P2RY12: variants seen among roughly 807,000 people sequenced by gnomAD.
The protein encoded by P2RY12 is purinergic receptor P2Y12.
A neutral mutation model predicts 4.5 loss-of-function variants in P2RY12; 3 were observed. The ratio of observed to expected loss-of-function variants is 0.67; its 90% confidence interval spans 0.31 to 1.74. The LOEUF (loss-of-function observed/expected upper bound fraction) is 1.74. Ranked by LOEUF, P2RY12 falls within the 40% of genes most tolerant of loss-of-function variation. The pLI is 0.09. For synonymous variants in P2RY12, 148 were observed against 154.1 expected (o/e 0.96, Z 0.29); for missense variants, 356 against 407.8 (o/e 0.87, Z 1.09).
At chr3:151,377,995 C>T (rs767999681) in intron 1 of P2RY12, 9 of 1,581,438 alleles carry the variant, frequency 5.7e-6, no homozygotes, top group Non-Finnish European at 7.8e-6. Flanking sequence ...CGGTGTAACA[C>T]CTGTTTCTGA....
intron 1 of P2RY12, chr3:151,382,640 T>A: frequency 6.3e-7 from 1 of 1,597,336 alleles, no homozygotes; most frequent in Non-Finnish European, 8.5e-7. Context: ...ATGGGGAGTT[T>A]TTTTCCGGAT....
intron 1 of P2RY12, among the ~76,000 whole-genome samples, chr3:151,374,953 C>G (rs552739000): frequency 1.3e-5 from 2 of 151,802 alleles, no homozygotes; most frequent in Admixed American, 6.6e-5. Context: ...AGTGACATAC[C>G]TTATATATTA....
chr3:151,367,729 C>T (rs201284566), intron 1 of P2RY12: 49 of 1,611,324 alleles, frequency 3.0e-5, no homozygotes, highest in South Asian at 1.2e-4. Flanking sequence ...TGGAGGACGT[C>T]GTGCAGCATG....
At chr3:151,351,056 T>C (rs1203945279) in intron 1 of P2RY12, among the ~76,000 whole-genome samples, 1 of 152,220 alleles carries the variant, frequency 6.6e-6, no homozygotes, top group African/African-American at 2.4e-5. Flanking sequence ...GTAAACAACA[T>C]TCTTCCTGCA....
intron 1 of P2RY12, among the ~76,000 whole-genome samples, chr3:151,362,931 CT>C (rs1018208597): frequency 1.2e-4 from 18 of 152,230 alleles, no homozygotes; most frequent in African/African-American, 4.3e-4. Flanking sequence ...TCCATTTCAG[CT>C]TACATTTTTC....
At chr3:151,341,512 G>A (rs1028690858) in intron 1 of P2RY12, among the ~76,000 whole-genome samples, 5 of 151,008 alleles carry the variant, frequency 3.3e-5, no homozygotes. Context: ...AAACCAGAAG[G>A]GCAAAAAATA....
At chr3:151,372,281 C>G (rs1252401371) in intron 1 of P2RY12, among the ~76,000 whole-genome samples, 2 of 152,118 alleles carry the variant, frequency 1.3e-5, no homozygotes, top group Non-Finnish European at 2.9e-5. Flanking sequence ...TCTCTGATTA[C>G]TTAGTGTGAT....
intron 1 of P2RY12, among the ~76,000 whole-genome samples, chr3:151,375,720 C>T (rs1031453043): frequency 6.6e-6 from 1 of 151,976 alleles, no homozygotes; most frequent in African/African-American, 2.4e-5. Flanking sequence ...AAAAAACTGA[C>T]ACAAAATAGT....
chr3:151,376,000 C>T (rs1756813167), intron 1 of P2RY12: 1 of 1,342,652 alleles, frequency 7.4e-7, no homozygotes, highest in South Asian at 1.5e-5. Context: ...CAGTGCCTGT[C>T]AATCTAATTG....
intron 1 of P2RY12, among the ~76,000 whole-genome samples, chr3:151,342,652 C>T (rs957735026): frequency 6.6e-6 from 1 of 152,160 alleles, no homozygotes; most frequent in Non-Finnish European, 1.5e-5. Context: ...CTATTAATAT[C>T]AGTCACTTCA....
intron 1 of P2RY12, chr3:151,384,058 T>G (rs1712886179): frequency 6.2e-7 from 1 of 1,600,250 alleles, no homozygotes; most frequent in Non-Finnish European, 8.5e-7. Context: ...CACTTTAAGA[T>G]GAAAATAATT....
Position 151,337,501 on chromosome 3 carries a change from C to A in P2RY12, c.*316G>T. On this transcript the variant is annotated 3_prime_UTR_variant, in exon 3 of 3. Transcript: ENST00000302632. ...GAACGATAATGTATTTTAAAAATTA[C>A]AGTAAATATTATATGATTACTCATT... The A allele has an allele frequency of 3.9e-6, 1 of 254,968 alleles. No homozygotes were observed. 15.8% of individuals were successfully genotyped at this position (254,968 alleles called of 1,614,324 possible).
intron 1 of P2RY12, among the ~76,000 whole-genome samples, chr3:151,348,340 CAAAA>C (rs11382065): frequency 0.33 from 29,644 of 89,194 alleles, 3,242 homozygotes; most frequent in Non-Finnish European, 0.39. Context: ...ACCACCAGAC[CAAAA>C]AAAAAAAAAA....
At chr3:151,379,519 T>A (rs1711853345) in intron 1 of P2RY12, among the ~76,000 whole-genome samples, 1 of 152,220 alleles carries the variant, frequency 6.6e-6, no homozygotes, top group African/African-American at 2.4e-5. Context: ...GCGGGCTATG[T>A]TGGAGCCTGT....
At chr3:151,365,759 G>A (rs772905260) in intron 1 of P2RY12, 2 of 1,142,726 alleles carry the variant, frequency 1.8e-6, no homozygotes, top group Non-Finnish European at 2.4e-6. Flanking sequence ...CTTGTTTGAT[G>A]TTAGTGAAAT....
intron 1 of P2RY12, among the ~76,000 whole-genome samples, chr3:151,363,571 ACT>A (rs1288087417): frequency 1.3e-5 from 2 of 152,152 alleles, no homozygotes; most frequent in African/African-American, 4.8e-5. Context: ...AAATGTCATG[ACT>A]CTGAATTGCA....
chr3:151,345,517 CTTTTTT>C (rs201731496), intron 1 of P2RY12, among the ~76,000 whole-genome samples: 1 of 131,652 alleles, frequency 7.6e-6, no homozygotes, highest in Non-Finnish European at 1.6e-5. Context: ...TTTTCTTTTT[CTTTTTT>C]TTTTTTTTTT....
At position 151,337,918 on chromosome 3, in the gene P2RY12, T is replaced by G. The variant is rs1376383529; in HGVS notation, c.928A>C (p.Ile310Leu). ...GAATTGGGGCACTTCAGCATACTTA[T>G]CAAGGAATTTCTGAAGGACTTGCAA... ...FLCKSFRNSL[I>L]SMLKCPNSAT... Residue 310 changes from isoleucine to leucine, a missense_variant, in exon 3 of 3, where the codon ATA (isoleucine) becomes CTA (leucine). Coordinates refer to ENST00000302632, the MANE Select transcript of P2RY12 (RefSeq NM_022788.5). 6.2e-7 allele frequency: 1 copy of G among 1,614,120 alleles called. No individual in the cohort carries two copies. The highest frequency in any genetic ancestry group is 1.7e-5 in the Admixed American group (1 of 60,012).
intron 1 of P2RY12, among the ~76,000 whole-genome samples, chr3:151,351,033 G>A (rs1000878881): frequency 1.3e-5 from 2 of 152,140 alleles, no homozygotes; most frequent in Non-Finnish European, 2.9e-5. Flanking sequence ...AAGAAAGTTT[G>A]TGTTTACTCT....
Sources: allele counts gnomAD v4.1 joint callset (sites outside exome capture counted in the v4.1 genomes callset), GRCh38; gene constraint gnomAD v4.1.1; transcripts MANE v1.5; gene names NCBI Gene and HGNC (gene_info 2026-07-23, HGNC 2026-07-21).